SLC45A4: variants seen among roughly 807,000 people sequenced by gnomAD.
The protein encoded by SLC45A4 is solute carrier family 45 member 4.
Under a neutral mutation model 63.7 loss-of-function variants are expected in SLC45A4, and 32 were observed. The observed-to-expected ratio is 0.50, with a 90% CI of 0.38 to 0.67. SLC45A4 has a LOEUF of 0.67. Ranked by LOEUF, SLC45A4 falls within the 30% of genes least tolerant of loss-of-function variation. The pLI, the probability that SLC45A4 is intolerant of heterozygous loss-of-function variation, is 0.00. For missense variants in SLC45A4, 1,027 were observed against 1,157.7 expected (o/e 0.89, Z 1.64); for synonymous variants, 535 against 510.0 (o/e 1.05, Z -0.66).
chr8:141,307,689 C>T (rs1830941750), intron 1 of SLC45A4, among the ~76,000 whole-genome samples: 1 of 151,496 alleles, frequency 6.6e-6, no homozygotes, highest in Admixed American at 6.6e-5. Context: ...GGGTCAGGAC[C>T]AGGAGTTAGA....
intron 2 of SLC45A4, among the ~76,000 whole-genome samples, chr8:141,238,089 G>C (rs757476292): frequency 2.6e-5 from 4 of 152,176 alleles, no homozygotes; most frequent in African/African-American, 9.7e-5. Flanking sequence ...TCTAGTGTGC[G>C]GTTAGCTGGC....
At chr8:141,274,731 G>A (rs955223672) in intron 1 of SLC45A4, among the ~76,000 whole-genome samples, 4 of 152,176 alleles carry the variant, frequency 2.6e-5, no homozygotes, top group Non-Finnish European at 5.9e-5. Context: ...CATCTCGAGG[G>A]ACAGAATGGG....
chr8:141,301,283 G>A (rs908556837), intron 1 of SLC45A4, among the ~76,000 whole-genome samples: 16 of 152,090 alleles, frequency 1.1e-4, no homozygotes, highest in African/African-American at 3.6e-4. Context: ...TGTATTTTGT[G>A]CATTTAGTAA....
chr8:141,227,844 G>C lies in SLC45A4; in HGVS notation c.242-6079C>G, dbSNP rs977424867. Among the ~76,000 whole-genome samples the C allele has an allele frequency of 4.6e-5, 7 of 152,234 alleles. 1 individual carries two copies. The highest frequency in any genetic ancestry group is 4.6e-4 in the Admixed American group (7 of 15,286). On this transcript the variant is annotated intron_variant, in intron 2 of 8. Coordinates refer to ENST00000517878, the MANE Select transcript of SLC45A4 (RefSeq NM_001286646.2). This position sits in a 1 kb window ranked among gnomAD's most constrained non-coding sequence, Gnocchi z 4.4. ...AGGGTGGAGGGGACAGCAGCACCTTGAGTGTTCTCACATGTGCCGCCTTCC... is the reference window on the plus strand; with the variant it reads ...AGGGTGGAGGGGACAGCAGCACCTTCAGTGTTCTCACATGTGCCGCCTTCC...
rs550910642 is a variant in SLC45A4, at chr8:141,219,120, C to T, written c.611-91G>A. ...AGGGCCTCTCCCTCTAACAGGGGGCCGGGGCTGCCCTCATGATGGGAGTCA... is the reference window on the plus strand; with the variant it reads ...AGGGCCTCTCCCTCTAACAGGGGGCTGGGGCTGCCCTCATGATGGGAGTCA... On this transcript the variant is annotated intron_variant, in intron 4 of 8. Coordinates refer to ENST00000517878, the MANE Select transcript of SLC45A4 (RefSeq NM_001286646.2). The T allele has an allele frequency of 5.1e-5, 73 of 1,437,100 alleles. No individual in the cohort carries two copies. The African/African-American group carries it at 8.3e-4, about 16-fold the overall frequency. 89.0% of individuals were successfully genotyped at this position (1,437,100 alleles called of 1,614,324 possible).
intron 2 of SLC45A4, among the ~76,000 whole-genome samples, chr8:141,242,531 C>G (rs1018070667): frequency 6.6e-6 from 1 of 152,118 alleles, no homozygotes; most frequent in Admixed American, 6.5e-5. Flanking sequence ...CAAGAACGGG[C>G]GAGACAGTGC....
At chr8:141,283,365 C>T (rs73366492) in intron 1 of SLC45A4, among the ~76,000 whole-genome samples, 5,995 of 152,278 alleles carry the variant, frequency 0.039, 161 homozygotes, top group Middle Eastern at 0.088. Flanking sequence ...AACAGTCTCA[C>T]GTCCTGGGAA....
chr8:141,284,673 A>G (rs574625378), intron 1 of SLC45A4, among the ~76,000 whole-genome samples: 199 of 152,302 alleles, frequency 1.3e-3, no homozygotes, highest in Middle Eastern at 3.4e-3. Flanking sequence ...CAGTGGCCCC[A>G]AGTAACTCTG....
chr8:141,215,943 T>C lies in SLC45A4; in HGVS notation c.1757A>G (p.Tyr586Cys). ...GTAGATCACCCTGACGCTCAGGTCG[T>C]AGTTGTCCAAGTACTTCTGTAACAG... ...SALLQKYLDN[Y>C]DLSVRVIYVL... The change falls in exon 7 of 9, where the codon TAC (tyrosine) becomes TGC (cysteine). Residue 586 changes from tyrosine (Y) to cysteine (C), a missense_variant. Tyr to Cys is a radical substitution (Grantham distance 194). Coordinates refer to ENST00000517878, the MANE Select transcript of SLC45A4 (RefSeq NM_001286646.2). The surrounding 1 kb of genome is among the most constrained non-coding windows in gnomAD (Gnocchi z 4.3). 2 of 1,613,920 alleles carry C rather than the reference T, an allele frequency of 1.2e-6. No homozygotes were observed. Among genetic ancestry groups the C allele is most frequent in the Non-Finnish European group, 1.7e-6 (2 of 1,179,974 alleles).
rs1194083396 is a variant in SLC45A4 at position 141,207,186 on chromosome 8, GT to G, written c.*4385del. On this transcript the variant is annotated 3_prime_UTR_variant, in exon 9 of 9. Transcript: ENST00000517878. Reference sequence around the variant, plus strand: ...CCACATCATCATGTCAGAGGGAAAAGTTTATTGAGTCAGCCACAGAGGAACA... The same window carrying G: ...CCACATCATCATGTCAGAGGGAAAAGTTATTGAGTCAGCCACAGAGGAACA... 2 of 152,546 alleles carry G rather than the reference GT, an allele frequency of 1.3e-5. No individual in the cohort carries two copies. The highest frequency in any genetic ancestry group is 2.1e-4 in the South Asian group (1 of 4,850). 9.4% of individuals were successfully genotyped at this position (152,546 alleles called of 1,614,324 possible).
Position 141,289,075 on chromosome 8 carries a change from G to A in SLC45A4, c.-401+19021C>T, listed in dbSNP as rs182593317. Among the ~76,000 whole-genome samples the A allele has an allele frequency of 3.9e-5, 6 of 152,316 alleles. No homozygotes were observed. In the East Asian group the frequency reaches 7.7e-4, roughly 20 times the overall value. ...CAGAGGAATAAGCAGGGCCTCAGCC[G>A]GCCATGAAACCAGCCAGGTGCGCGA... On this transcript the variant is annotated intron_variant, in intron 1 of 8. Coordinates refer to ENST00000517878, the MANE Select transcript of SLC45A4 (RefSeq NM_001286646.2).
rs1589758331 is a variant in SLC45A4 at position 141,215,542 on chromosome 8, T to G, written c.1941+217A>C. ...GAAGCCTCTGGAGGTGCTAGGGGGG[T>G]GGGGGCGGCTGAAGGAGAAGACCCT... On this transcript the variant is annotated intron_variant, in intron 7 of 8. Coordinates refer to ENST00000517878, the MANE Select transcript of SLC45A4 (RefSeq NM_001286646.2). This position sits in a 1 kb window ranked among gnomAD's most constrained non-coding sequence, Gnocchi z 4.3. 2.0e-5 allele frequency among the ~76,000 whole-genome samples: 3 copies of G among 147,292 alleles called. No homozygotes were observed. The highest frequency in any genetic ancestry group is 6.8e-5 in the Admixed American group (1 of 14,798).
intron 2 of SLC45A4, among the ~76,000 whole-genome samples, chr8:141,237,770 G>T (rs1475174832): frequency 1.3e-5 from 2 of 152,150 alleles, no homozygotes; most frequent in African/African-American, 4.8e-5. Context: ...GGGAGCGCCA[G>T]GTCACGTGCT....
intron 2 of SLC45A4, among the ~76,000 whole-genome samples, chr8:141,231,185 G>A (rs1332443617): frequency 6.6e-6 from 1 of 152,206 alleles, no homozygotes; most frequent in Non-Finnish European, 1.5e-5. Flanking sequence ...GCGGAGGGTG[G>A]GATGAAGGGC....
intron 2 of SLC45A4, among the ~76,000 whole-genome samples, chr8:141,232,705 A>C (rs1827426793): frequency 6.7e-6 from 1 of 149,200 alleles, no homozygotes; most frequent in Non-Finnish European, 1.5e-5. Flanking sequence ...TGCAACGGGA[A>C]CACAGACATT....
chr8:141,265,866 T>A (rs1829246181), intron 1 of SLC45A4, among the ~76,000 whole-genome samples: 1 of 152,162 alleles, frequency 6.6e-6, no homozygotes, highest in Admixed American at 6.5e-5. Context: ...GGGCATTCGG[T>A]GACAACAATT....
At chr8:141,217,378 C>T (rs1413233967) in intron 5 of SLC45A4, among the ~76,000 whole-genome samples, 189 bp from the exon 6 acceptor site, 2 of 152,244 alleles carry the variant, frequency 1.3e-5, no homozygotes, top group Admixed American at 1.3e-4. Flanking sequence ...TCCCAGACCA[C>T]GAATGTTCTG....
At chr8:141,283,507 A>G (rs577598780) in intron 1 of SLC45A4, among the ~76,000 whole-genome samples, 5 of 152,338 alleles carry the variant, frequency 3.3e-5, no homozygotes, top group African/African-American at 1.2e-4. Context: ...GGATGTCCCA[A>G]CCGCTCCAGA....
intron 1 of SLC45A4, among the ~76,000 whole-genome samples, chr8:141,258,089 C>G (rs1289936750): frequency 7.4e-6 from 1 of 135,754 alleles, no homozygotes; most frequent in South Asian, 2.3e-4. Flanking sequence ...TTTTAACAAT[C>G]CTTTAAAAAC....
Sources: gnomAD v4.1 joint callset for allele counts (sites outside exome capture counted in the v4.1 genomes callset) on GRCh38, gnomAD v4.1.1 for gene constraint, Gnocchi (gnomAD v3.1) non-coding constraint, MANE v1.5 for transcripts, NCBI Gene and HGNC (gene_info 2026-07-23, HGNC 2026-07-21) for gene names.